The following NUP205 variants were observed in gnomAD, a reference collection of about 807,000 sequenced individuals.
NUP205 encodes nucleoporin 205, also known as nuclear pore complex protein Nup205.
Under a neutral mutation model 253.8 loss-of-function variants are expected in NUP205, and 76 were observed. The ratio of observed to expected loss-of-function variants is 0.30; its 90% confidence interval spans 0.25 to 0.36. The LOEUF (loss-of-function observed/expected upper bound fraction) is 0.36, where lower values mean the gene tolerates loss of function less well. Among genes scored for constraint, NUP205 ranks in the 10% least tolerant of loss-of-function variants. The probability of loss-of-function intolerance (pLI) is 1.00; values close to 1 mark genes in which losing one functional copy is unlikely to be tolerated. For missense variants in NUP205, 2,162 were observed against 2,425.5 expected, an observed-to-expected ratio of 0.89 and a Z score of 2.28; for synonymous variants, 832 against 850.1, an observed-to-expected ratio of 0.98 and a Z score of 0.37.
At chr7:135,623,827 G>T (rs1012204399) in intron 31 of NUP205, among the ~76,000 whole-genome samples, 1 of 152,166 alleles carries the variant, frequency 6.6e-6, no homozygotes, top group Non-Finnish European at 1.5e-5. Flanking sequence ...CTGTCGCCCC[G>T]GCTAGAGTGT....
intron 1 of NUP205, among the ~76,000 whole-genome samples, chr7:135,565,484 G>A (rs1183943291): frequency 6.6e-6 from 1 of 150,740 alleles, no homozygotes; most frequent in East Asian, 1.9e-4. Context: ...CCAGGCTGGA[G>A]TGCAATGGTG....
At chr7:135,558,276 G>T in intron 1 of NUP205, 1 of 428,568 alleles carries the variant, frequency 2.3e-6, no homozygotes, top group South Asian at 2.6e-5. Flanking sequence ...GTTTCACTGT[G>T]CGTCTGTGGT....
chr7:135,602,992 C>CACCT lies in NUP205; in HGVS notation c.2701_2702insCCTA (p.Arg901ThrfsTer2). 1 of 1,603,908 alleles carries CACCT rather than the reference C, an allele frequency of 6.2e-7. No homozygotes were observed. Among genetic ancestry groups the CACCT allele is most frequent in the Non-Finnish European group, 8.5e-7 (1 of 1,173,266 alleles). The stretch of plus-strand genomic sequence containing the variant: ...AGGCAGATAATGTGGTAAACATTGC[C>CACCT]AGGTAAGTTACCTTTGTAGGTAGAG... On this transcript the variant is annotated frameshift_variant and splice_region_variant, in exon 18 of 43. Coordinates refer to ENST00000285968, the MANE Select transcript of NUP205 (RefSeq NM_015135.3). LOFTEE classifies it high-confidence loss of function.
intron 8 of NUP205, among the ~76,000 whole-genome samples, chr7:135,585,588 A>C (rs185831629): frequency 6.7e-6 from 1 of 150,114 alleles, no homozygotes; most frequent in South Asian, 2.1e-4. Flanking sequence ...GTCTTGCTCT[A>C]TTGCGCCCAG....
chr7:135,624,105 A>T (rs1392500903), intron 31 of NUP205, among the ~76,000 whole-genome samples: 2 of 152,152 alleles, frequency 1.3e-5, no homozygotes, highest in East Asian at 3.9e-4. Context: ...TGTTTTAAAA[A>T]TTTTAAAATA....
At chr7:135,638,733 A>G in intron 38 of NUP205, 50 bp downstream of exon 38, 1 of 1,595,596 alleles carries the variant, frequency 6.3e-7, no homozygotes, top group South Asian at 1.1e-5. Flanking sequence ...TGCTATGGTT[A>G]TGACATAGCT....
chr7:135,622,807 C>T lies in NUP205; in HGVS notation c.4361C>T (p.Ala1454Val). The T allele has an allele frequency of 8.1e-6, 13 of 1,613,868 alleles. No individual in the cohort carries two copies. The highest frequency in any genetic ancestry group is 1.1e-5 in the South Asian group (1 of 91,072). Reference sequence around the variant, plus strand: ...AAAACCATGTGGGAAAGGCTGACAGCCCCTGAAGATGTATTTAGCAAATTA... The same window carrying T: ...AAAACCATGTGGGAAAGGCTGACAGTCCCTGAAGATGTATTTAGCAAATTA... The part of the protein sequence containing the change: ...AKKTMWERLT[A>V]PEDVFSKLQR... The change falls in exon 31 of 43, where the codon GCC (alanine) becomes GTC (valine). Residue 1454 changes from alanine to valine, a missense_variant. Ala to Val is a moderately conservative substitution (Grantham distance 64, BLOSUM62 0). This residue lies in a region of NUP205 where 1,144 missense variants were observed against 1,280.9 expected (regional missense o/e 0.89). Coordinates refer to ENST00000285968, the MANE Select transcript of NUP205 (RefSeq NM_015135.3).
intron 15 of NUP205, chr7:135,598,896 T>C (rs1005983700): frequency 1.3e-5 from 2 of 152,296 alleles, no homozygotes; most frequent in African/African-American, 2.4e-5. Context: ...CACTAAGCTA[T>C]GTAAGAGACT....
intron 33 of NUP205, among the ~76,000 whole-genome samples, chr7:135,627,240 T>G (rs1794611054): frequency 6.6e-6 from 1 of 152,190 alleles, no homozygotes. Flanking sequence ...CAATAAATAT[T>G]AGCTTATTAA....
chr7:135,643,245 A>C lies in NUP205; in HGVS notation c.5446A>C (p.Ile1816Leu), dbSNP rs761655149. The change falls in exon 39 of 43, where the codon ATC (isoleucine) becomes CTC (leucine). Residue 1816 changes from isoleucine to leucine, a missense_variant. Transcript: ENST00000285968. ...YWRLPGLGII[I>L]YLLKQSANDF... is the part of the protein sequence containing the mutation. The stretch of plus-strand genomic sequence containing the variant: ...GCGCCTGCCTGGTTTAGGCATTATC[A>C]TCTACCTGCTGAAACAGAGTGCTAA... 1 of 1,614,150 alleles carries C rather than the reference A, an allele frequency of 6.2e-7. No homozygotes were observed. Among genetic ancestry groups the C allele is most frequent in the South Asian group, 1.1e-5 (1 of 91,084 alleles).
Position 135,576,427 on chromosome 7 carries a change from C to T in NUP205, c.488+13C>T. On this transcript the variant is annotated intron_variant, in intron 4 of 42. Coordinates refer to ENST00000285968, the MANE Select transcript of NUP205 (RefSeq NM_015135.3). ...CCCTAGAACTCAGGTCTTTTTACTT[C>T]TTGGGATTTCAGGGGTTAATTTGAA... 3.1e-6 allele frequency: 5 copies of T among 1,600,472 alleles called. No homozygotes were observed. Among genetic ancestry groups the T allele is most frequent in the Non-Finnish European group, 4.3e-6 (5 of 1,174,436 alleles).
intron 7 of NUP205, among the ~76,000 whole-genome samples, chr7:135,581,580 G>C (rs933310174): frequency 2.0e-5 from 3 of 150,292 alleles, no homozygotes; most frequent in Admixed American, 6.6e-5. Context: ...GGCCGGGTGT[G>C]GTGACTCACG....
chr7:135,564,368 T>C (rs1805686738), intron 1 of NUP205, among the ~76,000 whole-genome samples: 1 of 151,106 alleles, frequency 6.6e-6, no homozygotes. Flanking sequence ...TGCCCCGGCC[T>C]CCCAAGTAAC....
intron 22 of NUP205, among the ~76,000 whole-genome samples, chr7:135,609,360 C>T (rs939741814): frequency 2.1e-4 from 32 of 151,962 alleles, no homozygotes; most frequent in Non-Finnish European, 4.1e-4. Flanking sequence ...CACCTGTGGT[C>T]CCAGCTACTC....
intron 35 of NUP205, among the ~76,000 whole-genome samples, chr7:135,630,937 G>GT (rs573414079): frequency 0.026 from 3,585 of 140,184 alleles, 141 homozygotes; most frequent in African/African-American, 0.083. Flanking sequence ...GTTTTGTTTT[G>GT]TTTTTTTTTT....
chr7:135,612,633 G>T (rs1424758157), intron 22 of NUP205, among the ~76,000 whole-genome samples: 1 of 152,158 alleles, frequency 6.6e-6, no homozygotes, highest in African/African-American at 2.4e-5. Context: ...TGCTCCATTA[G>T]AGAGCATGAG....
chr7:135,575,590 T>G (rs906652998), intron 3 of NUP205, among the ~76,000 whole-genome samples: 1 of 151,576 alleles, frequency 6.6e-6, no homozygotes, highest in African/African-American at 2.4e-5. Flanking sequence ...AGGTCAGGAG[T>G]TCAAGACCAG....
At position 135,616,026 on chromosome 7, in the gene NUP205, C is replaced by T; in HGVS notation, c.3421C>T (p.His1141Tyr). 1 of 1,613,690 alleles carries T rather than the reference C, an allele frequency of 6.2e-7. No homozygotes were observed. Among genetic ancestry groups the T allele is most frequent in the Non-Finnish European group, 8.5e-7 (1 of 1,179,692 alleles). ...GCGGTCACATACCCAGAGGCTCCTA[C>T]ACCTCTTACTGGATGACATGCCAGT... ...RQRSHTQRLL[H>Y]LLLDDMPVKP... Residue 1141 changes from histidine (H) to tyrosine (Y), a missense_variant, in exon 24 of 43, where the codon CAC becomes TAC. Transcript: ENST00000285968.
chr7:135,596,603 G>T (rs1793838868), intron 13 of NUP205, among the ~76,000 whole-genome samples: 1 of 152,044 alleles, frequency 6.6e-6, no homozygotes, highest in Non-Finnish European at 1.5e-5. Flanking sequence ...CCATATCGAG[G>T]TCTGGACAGA....
Sources: gnomAD v4.1 joint callset for allele counts (sites outside exome capture counted in the v4.1 genomes callset) on GRCh38, gnomAD v4.1.1 for gene constraint, gnomAD v4.1.1 regional missense constraint, MANE v1.5 for transcripts, NCBI Gene and HGNC (gene_info 2026-07-23, HGNC 2026-07-21) for gene names.